BMX: variants seen among roughly 807,000 people sequenced by gnomAD.
BMX encodes the protein cytoplasmic tyrosine-protein kinase BMX.
Under a neutral mutation model 59.2 loss-of-function variants are expected in BMX, and 31 were observed. That is an observed-to-expected ratio of 0.52 (90% CI 0.39 to 0.71). The LOEUF is 0.71. Ranked by LOEUF, BMX falls within the 30% of genes least tolerant of loss-of-function variation. The pLI is 0.00. For synonymous variants in BMX, 185 were observed against 181.0 expected (o/e 1.02, Z -0.18); for missense variants, 474 against 491.7 (o/e 0.96, Z 0.34).
At chrX:15,541,961 T>C in intron 14 of BMX, 21 bp from the exon 15 acceptor site, 2 of 1,191,505 alleles carry the variant, frequency 1.7e-6, no homozygotes, top group Non-Finnish European at 2.3e-6. Context: ...GCATTGAACT[T>C]TGAAAATCTG....
At chrX:15,527,851 A>G (rs751151213) in intron 9 of BMX, among the ~76,000 whole-genome samples, 36 of 111,704 alleles carry the variant, frequency 3.2e-4, no homozygotes, top group Middle Eastern at 4.6e-3. Flanking sequence ...CCTAACATCT[A>G]TTCTCAGGAA....
intron 18 of BMX, among the ~76,000 whole-genome samples, chrX:15,553,859 C>A (rs1033231032): frequency 9.0e-6 from 1 of 111,443 alleles, no homozygotes; most frequent in African/African-American, 3.3e-5. Flanking sequence ...TGGACAGGGG[C>A]CCTGAGTCGG....
At chrX:15,518,094 T>A in intron 6 of BMX, 101 bp downstream of exon 6, 2 of 687,405 alleles carry the variant, frequency 2.9e-6, no homozygotes, top group Non-Finnish European at 4.3e-6. Flanking sequence ...CATTTAGACT[T>A]CTCAGCAAAG....
chrX:15,533,313 A>G (rs1215385660), intron 11 of BMX, among the ~76,000 whole-genome samples: 1 of 111,421 alleles, frequency 9.0e-6, no homozygotes, highest in Non-Finnish European at 1.9e-5. Flanking sequence ...CTAGTGTTCA[A>G]TAGTTATTTT....
In BMX at chrX:15,519,969, G is replaced by A. The variant is rs138747366; in HGVS notation, c.510+1976G>A. ...CCCATTAAGCTCTACCTCCAACACT[G>A]GAGATCACACATCAACATAAAATTT... On this transcript the variant is annotated intron_variant, in intron 6 of 18. Transcript: ENST00000348343. 3.6e-5 allele frequency among the ~76,000 whole-genome samples: 4 copies of A among 111,795 alleles called. No individual in the cohort carries two copies. In the East Asian group the frequency reaches 1.1e-3, roughly 32 times the overall value.
chrX:15,543,461 C>A (rs925930034), intron 16 of BMX, among the ~76,000 whole-genome samples: 4 of 110,284 alleles, frequency 3.6e-5, no homozygotes, highest in Admixed American at 1.9e-4. Flanking sequence ...AGTAGGTATA[C>A]ATATTTATGG....
chrX:15,551,548 T>A (rs868327767), intron 18 of BMX, among the ~76,000 whole-genome samples: 103 of 108,853 alleles, frequency 9.5e-4, no homozygotes, highest in African/African-American at 3.1e-3. Flanking sequence ...TATATATTTT[T>A]TTTTTTTTAC....
In BMX at chrX:15,536,515, AAAG is replaced by A. The variant is rs1466048268; in HGVS notation, c.1222+89_1222+91del. 10 of 806,283 alleles carry A rather than the reference AAAG, an allele frequency of 1.2e-5. 1 individual carries two copies. The highest frequency in any genetic ancestry group is 1.8e-5 in the Non-Finnish European group (10 of 570,957). The allele number at this position is 806,283 out of a possible 1,213,427, so 66.4% of individuals were successfully genotyped here. A position where few individuals can be genotyped will look rare whatever the true frequency, so the allele number is the denominator to read the frequency against. On this transcript the variant is annotated intron_variant, in intron 13 of 18. Coordinates refer to ENST00000348343, the MANE Select transcript of BMX (RefSeq NM_203281.3). ...TTAATTTACTGGCAAAAAAAAAAAA[AAAG>A]GAGGAAAGACAGGAAGGAGGCCTCT...
intron 10 of BMX, among the ~76,000 whole-genome samples, chrX:15,530,571 C>T (rs759163795): frequency 1.8e-5 from 2 of 111,861 alleles, no homozygotes; most frequent in Non-Finnish European, 3.8e-5. Flanking sequence ...AGTCACATGG[C>T]TCAGCCCAGA....
chrX:15,535,030 T>C (rs112032651), intron 12 of BMX, among the ~76,000 whole-genome samples: 1,415 of 111,749 alleles, frequency 0.013, 17 homozygotes, highest in African/African-American at 0.044. Context: ...GCTCTGTCCA[T>C]CTATATGAGG....
intron 16 of BMX, among the ~76,000 whole-genome samples, chrX:15,543,546 C>A (rs763667056): frequency 2.7e-5 from 3 of 110,577 alleles, no homozygotes; most frequent in Non-Finnish European, 5.7e-5. Context: ...TCCATCCCCT[C>A]AAGCATTTTG....
intron 1 of BMX, among the ~76,000 whole-genome samples, chrX:15,508,047 T>C (rs904926556): frequency 1.6e-4 from 18 of 112,045 alleles, no homozygotes; most frequent in African/African-American, 5.8e-4. Context: ...GTAAGGAGCA[T>C]TTTGATAAGG....
At chrX:15,537,555 A>C (rs1046500128) in intron 14 of BMX, among the ~76,000 whole-genome samples, 1 of 111,955 alleles carries the variant, frequency 8.9e-6, no homozygotes, top group Admixed American at 9.4e-5. Context: ...CCAAGACTCT[A>C]CAAAGAAACC....
Position 15,511,405 on chromosome X carries a change from T to G in BMX, c.244-32T>G, listed in dbSNP as rs373085295. The G allele has an allele frequency of 2.6e-6, 3 of 1,136,868 alleles. No homozygotes were observed. The African/African-American group carries it at 5.5e-5, about 21-fold the overall frequency. The allele number at this position is 1,136,868 out of a possible 1,213,427, so 93.7% of individuals were successfully genotyped here. ...ACCAAAGTGAAGTATGGTGCAATTA[T>G]ATATAAACACACCAAATATTTTCCT... On this transcript the variant is annotated intron_variant, in intron 3 of 18. Transcript: ENST00000348343.
Position 15,556,113 on chromosome X carries a change from C to G in BMX, c.1994C>G (p.Ser665Cys). 2 of 1,206,194 alleles carry G rather than the reference C, an allele frequency of 1.7e-6. No individual in the cohort carries two copies. Among genetic ancestry groups the G allele is most frequent in the South Asian group, 3.6e-5 (2 of 55,645 alleles). The change falls in exon 19 of 19, where the codon TCC becomes TGC. Residue 665 changes from serine (S) to cysteine (C), a missense_variant. Coordinates refer to ENST00000348343, the MANE Select transcript of BMX (RefSeq NM_203281.3). Reference sequence around the variant, plus strand: ...CCCACATTTCAGCAACTCCTGTCTTCCATTGAACCACTTCGGGAAAAAGAC... The same window carrying G: ...CCCACATTTCAGCAACTCCTGTCTTGCATTGAACCACTTCGGGAAAAAGAC... ...KRPTFQQLLSSIEPLREKDKH is the reference protein window; with the variant it reads ...KRPTFQQLLSCIEPLREKDKH
At chrX:15,539,122 T>G (rs1332132941) in intron 14 of BMX, among the ~76,000 whole-genome samples, 1 of 110,908 alleles carries the variant, frequency 9.0e-6, no homozygotes, top group Non-Finnish European at 1.9e-5. Context: ...GCCCCTGATA[T>G]TCTCCTCTTG....
chrX:15,554,541 A>G (rs760562115), intron 18 of BMX, among the ~76,000 whole-genome samples: 7 of 110,061 alleles, frequency 6.4e-5, no homozygotes, highest in Non-Finnish European at 1.1e-4. Flanking sequence ...TTTTTTGACC[A>G]TGCAGAAATT....
intron 6 of BMX, among the ~76,000 whole-genome samples, chrX:15,521,486 A>T (rs953057420): frequency 1.8e-5 from 2 of 112,414 alleles, no homozygotes; most frequent in Non-Finnish European, 3.8e-5. Flanking sequence ...TTAAAGCAAC[A>T]TACATTTATT....
In BMX at chrX:15,522,531, G is replaced by A. The variant is rs1418301573; in HGVS notation, c.696G>A (p.Met232Ile). ...ATGGCTCCCAGCCAAACTTCAACATGCAGTATATTCCAAGGGAAGACTTCC... is the reference window on the plus strand; with the variant it reads ...ATGGCTCCCAGCCAAACTTCAACATACAGTATATTCCAAGGGAAGACTTCC... ...KIYGSQPNFN[M>I]QYIPREDFPD... The change falls in exon 7 of 19, where the codon ATG (methionine) becomes ATA (isoleucine). Residue 232 changes from methionine (M) to isoleucine (I), a missense_variant. Coordinates refer to ENST00000348343, the MANE Select transcript of BMX (RefSeq NM_203281.3). The A allele has an allele frequency of 9.1e-6, 11 of 1,210,607 alleles. No homozygotes were observed. The highest frequency in any genetic ancestry group is 3.4e-6 in the Non-Finnish European group (3 of 895,257).
Sources: allele counts gnomAD v4.1 joint callset (sites outside exome capture counted in the v4.1 genomes callset), GRCh38; gene constraint gnomAD v4.1.1; transcripts MANE v1.5; gene names NCBI Gene and HGNC (gene_info 2026-07-23, HGNC 2026-07-21).